The following XCR1 variants were observed in gnomAD, a reference collection of about 807,000 sequenced individuals.
XCR1 encodes chemokine XC receptor 1.
For missense variants in XCR1, 356 were observed against 424.2 expected, an observed-to-expected ratio of 0.84 and a Z score of 1.41; for synonymous variants, 187 against 188.5, an observed-to-expected ratio of 0.99 and a Z score of 0.06.
In XCR1 at chr3:46,037,048, G is replaced by A. The variant is rs529505997; in HGVS notation, c.-31-15070C>T. The stretch of plus-strand genomic sequence containing the variant: ...CCAATTAAGGAAGGGTTATGATATC[G>A]GGAAATATATTTCTAAAAATTATAG... On this transcript the variant is annotated intron_variant, in intron 5 of 5. Coordinates refer to the XCR1 transcript ENST00000683768. 6.3e-4 allele frequency among the ~76,000 whole-genome samples: 96 copies of A among 152,070 alleles called. 1 individual carries two copies. The highest frequency in any genetic ancestry group is 1.3e-3 in the Non-Finnish European group (87 of 67,944).
chr3:46,071,546 T>C (rs2125902873), intron 3 of XCR1, among the ~76,000 whole-genome samples: 1 of 152,124 alleles, frequency 6.6e-6, no homozygotes, highest in African/African-American at 2.4e-5. Context: ...TGAACATAGA[T>C]ACAAAAATCC....
Position 46,066,079 on chromosome 3 carries a change from G to A in XCR1, c.-183+820C>T, listed in dbSNP as rs569311992. The stretch of plus-strand genomic sequence containing the variant: ...AGCGACAGCATTCCTGGTGGAGGGA[G>A]CGAGGGTAGTAAGCACAGAGTGTGT... On this transcript the variant is annotated intron_variant, in intron 4 of 5. Transcript: ENST00000683768. Among the ~76,000 whole-genome samples, 37 of 152,280 alleles carry A rather than the reference G, an allele frequency of 2.4e-4. 1 individual carries two copies. In the South Asian group the frequency reaches 7.5e-3, roughly 31 times the overall value.
chr3:46,051,240 C>G (rs1697738125), intron 5 of XCR1, among the ~76,000 whole-genome samples: 2 of 152,222 alleles, frequency 1.3e-5, no homozygotes, highest in Non-Finnish European at 1.5e-5. Context: ...TGTTCTTCAA[C>G]ATTTTAAATC....
chr3:46,069,307 GTTC>G (rs1288247820), intron 3 of XCR1, among the ~76,000 whole-genome samples: 1 of 152,052 alleles, frequency 6.6e-6, no homozygotes, highest in Non-Finnish European at 1.5e-5. Flanking sequence ...CAAAAAGATT[GTTC>G]TTTGAAAAGA....
intron 5 of XCR1, among the ~76,000 whole-genome samples, chr3:46,045,303 G>A (rs1022382736): frequency 3.3e-4 from 50 of 152,008 alleles, no homozygotes; most frequent in African/African-American, 1.1e-3. Flanking sequence ...CCAACTACTC[G>A]GGAGGCTGAG....
At chr3:46,041,311 C>T (rs1353760450) in intron 5 of XCR1, among the ~76,000 whole-genome samples, 1 of 152,124 alleles carries the variant, frequency 6.6e-6, no homozygotes, top group Non-Finnish European at 1.5e-5. Context: ...TTTAGGAGAG[C>T]CTATGTGGAC....
At chr3:46,057,275 T>C (rs759048710) in intron 4 of XCR1, among the ~76,000 whole-genome samples, 13 of 152,182 alleles carry the variant, frequency 8.5e-5, no homozygotes, top group Non-Finnish European at 1.8e-4. Flanking sequence ...ATTCCATTTA[T>C]GTAAAGTTCT....
chr3:46,035,263 T>C (rs1410999549), intron 5 of XCR1, among the ~76,000 whole-genome samples: 1 of 152,234 alleles, frequency 6.6e-6, no homozygotes, highest in Non-Finnish European at 1.5e-5. Flanking sequence ...CCATAGTTCC[T>C]GTTTTCTTAC....
At chr3:46,054,554 G>GGT (rs1004514444) in intron 4 of XCR1, among the ~76,000 whole-genome samples, 1 of 151,688 alleles carries the variant, frequency 6.6e-6, no homozygotes, top group African/African-American at 2.4e-5. Flanking sequence ...GACGAGGGGG[G>GGT]GGCGAGTGTG....
intron 4 of XCR1, among the ~76,000 whole-genome samples, chr3:46,057,948 CT>C (rs1697885765): frequency 6.6e-6 from 1 of 151,828 alleles, no homozygotes; most frequent in Admixed American, 6.6e-5. Context: ...ATCCATCTAT[CT>C]ATCTATCTGC....
intron 5 of XCR1, among the ~76,000 whole-genome samples, chr3:46,037,275 T>C (rs1413256494): frequency 6.6e-6 from 1 of 152,106 alleles, no homozygotes; most frequent in Non-Finnish European, 1.5e-5. Context: ...TAATTCAAAC[T>C]ATGGACTTGA....
chr3:46,052,618 A>G (rs1039922791), intron 5 of XCR1, among the ~76,000 whole-genome samples: 2 of 152,218 alleles, frequency 1.3e-5, no homozygotes. Flanking sequence ...CAACTACTAA[A>G]TTAGCTATTA....
At chr3:46,043,390 G>A (rs1271401384) in intron 5 of XCR1, among the ~76,000 whole-genome samples, 2 of 151,334 alleles carry the variant, frequency 1.3e-5, no homozygotes, top group African/African-American at 2.4e-5. Context: ...GCAGTGAGCC[G>A]AGATCACACC....
In XCR1 at chr3:46,026,594, T is replaced by A. The variant is rs140287168; in HGVS notation, c.-32+823A>T. On this transcript the variant is annotated intron_variant, in intron 1 of 1. Transcript: ENST00000309285. ...CCATTTTTCTTCTTCTTCTTTTTTT[T>A]TTTTTTGAGATGGAGTCTCGTTCTG... is the stretch of plus-strand genomic sequence containing the variant. Among the ~76,000 whole-genome samples the A allele has an allele frequency of 2.0e-5, 3 of 151,940 alleles. No individual in the cohort carries two copies. The East Asian group carries it at 5.8e-4, about 29-fold the overall frequency.
At chr3:46,045,749 CT>C (rs2125898489) in intron 5 of XCR1, among the ~76,000 whole-genome samples, 1 of 152,278 alleles carries the variant, frequency 6.6e-6, no homozygotes, top group Admixed American at 6.5e-5. Flanking sequence ...GAAAAGGGAA[CT>C]CCTAAACACT....
chr3:46,047,122 G>A (rs1477962551), intron 5 of XCR1, among the ~76,000 whole-genome samples: 1 of 152,184 alleles, frequency 6.6e-6, no homozygotes, highest in Non-Finnish European at 1.5e-5. Flanking sequence ...TAGGCTGTGT[G>A]CATCCATTTC....
intron 3 of XCR1, among the ~76,000 whole-genome samples, chr3:46,073,931 T>C (rs765176800): frequency 2.0e-5 from 3 of 149,312 alleles, no homozygotes; most frequent in Non-Finnish European, 4.4e-5. Flanking sequence ...CAACAGATAC[T>C]GGTGAAGATG....
At chr3:46,046,856 AT>A (rs1214506778) in intron 5 of XCR1, among the ~76,000 whole-genome samples, 2 of 152,216 alleles carry the variant, frequency 1.3e-5, no homozygotes, top group African/African-American at 4.8e-5. Context: ...ATTTTGTTTT[AT>A]AATTCACCAA....
intron 5 of XCR1, among the ~76,000 whole-genome samples, chr3:46,033,398 G>A (rs1256702490): frequency 1.3e-5 from 2 of 152,176 alleles, no homozygotes; most frequent in African/African-American, 2.4e-5. Flanking sequence ...TCTTTTGCAT[G>A]TAGATGTACA....
Sources: allele counts gnomAD v4.1 joint callset (sites outside exome capture counted in the v4.1 genomes callset), GRCh38; gene constraint gnomAD v4.1.1; transcripts MANE v1.5; gene names NCBI Gene and HGNC (gene_info 2026-07-23, HGNC 2026-07-21).